The following DSCAM variants were observed in gnomAD, a reference collection of about 807,000 sequenced individuals.
The protein encoded by DSCAM is DS cell adhesion molecule, also known as cell adhesion molecule DSCAM.
DSCAM carries 47 observed loss-of-function variants against 217.7 expected under a neutral mutation model. The observed-to-expected ratio is 0.22, with a 90% confidence interval of 0.17 to 0.28. The LOEUF is 0.28. DSCAM is among the 10% of genes least tolerant of loss of function. The probability of loss-of-function intolerance (pLI) is 1.00; values close to 1 mark genes in which losing one functional copy is unlikely to be tolerated. For missense variants in DSCAM, 2,080 were observed against 2,618.3 expected (o/e 0.79, Z 4.49); for synonymous variants, 1,056 against 1,015.3 (o/e 1.04, Z -0.76).
Position 40,353,557 on chromosome 21 carries a change from T to C in DSCAM, c.842A>G (p.Glu281Gly), listed in dbSNP as rs1038966802. The change falls in exon 5 of 33, where the codon GAG (glutamate) becomes GGG (glycine). Residue 281 changes from glutamate (E) to glycine (G), a missense_variant. Physicochemically the swap from Glu to Gly is moderately conservative, Grantham distance 98. This residue lies in a region of DSCAM where 568 missense variants were observed against 678.1 expected (regional missense o/e 0.84). Coordinates refer to ENST00000400454, the MANE Select transcript of DSCAM (RefSeq NM_001389.5). ...GCCTGAGTCCGAGGGGCGAATGTTC[T>C]CAATGAGCAGCCCCGTCACGGTCTT... The part of the protein sequence containing the change: ...FQKTVTGLLI[E>G]NIRPSDSGSY... The C allele has an allele frequency of 1.1e-5, 17 of 1,611,318 alleles. No homozygotes were observed. The Admixed American group carries it at 1.7e-4, about 16-fold the overall frequency.
intron 11 of DSCAM, among the ~76,000 whole-genome samples, chr21:40,235,639 C>T (rs928216902): frequency 6.6e-6 from 1 of 152,136 alleles, no homozygotes; most frequent in African/African-American, 2.4e-5. Context: ...TGTATCTTCT[C>T]CACCCCTTAG....
At chr21:40,810,373 G>A (rs1020706257) in intron 1 of DSCAM, among the ~76,000 whole-genome samples, 1 of 152,200 alleles carries the variant, frequency 6.6e-6, no homozygotes, top group African/African-American at 2.4e-5. Context: ...AAGGGGGAGA[G>A]AAGTCATGTA....
At chr21:40,344,586 A>G (rs767448225) in intron 6 of DSCAM, among the ~76,000 whole-genome samples, 12 of 152,202 alleles carry the variant, frequency 7.9e-5, no homozygotes, top group Non-Finnish European at 1.5e-4. Flanking sequence ...AACATTTTAA[A>G]GATGTTGCTC....
rs527263245 is a variant in DSCAM at position 40,373,248 on chromosome 21, G to T, written c.509-4003C>A. On this transcript the variant is annotated intron_variant, in intron 3 of 32. Coordinates refer to ENST00000400454, the MANE Select transcript of DSCAM (RefSeq NM_001389.5). ...GATCTGAGCCGCAGAAAGCAGGCAT[G>T]CATGATCTCCAGAAAGAGGCACATC... Among the ~76,000 whole-genome samples the T allele has an allele frequency of 3.3e-5, 5 of 152,316 alleles. No homozygotes were observed. In the East Asian group the frequency reaches 9.6e-4, roughly 29 times the overall value.
intron 1 of DSCAM, among the ~76,000 whole-genome samples, chr21:40,825,063 A>G (rs2123613013): frequency 6.6e-6 from 1 of 152,302 alleles, no homozygotes; most frequent in African/African-American, 2.4e-5. Context: ...ATGACCCAGA[A>G]AAGAGGAAGT....
At chr21:40,415,955 G>T (rs1314341427) in intron 3 of DSCAM, among the ~76,000 whole-genome samples, 1 of 152,134 alleles carries the variant, frequency 6.6e-6, no homozygotes. Context: ...CAGAAAAAAA[G>T]GTTGGGAACT....
At chr21:40,622,128 T>C (rs2089528060) in intron 3 of DSCAM, among the ~76,000 whole-genome samples, 1 of 152,162 alleles carries the variant, frequency 6.6e-6, no homozygotes, top group African/African-American at 2.4e-5. Context: ...CATGTTTCCT[T>C]TTCACTTACC....
intron 16 of DSCAM, among the ~76,000 whole-genome samples, chr21:40,159,273 C>T (rs2090512576): frequency 6.6e-6 from 1 of 152,138 alleles, no homozygotes; most frequent in South Asian, 2.1e-4. Flanking sequence ...AACATCTGTG[C>T]CCTGTTTACT....
At chr21:40,817,274 C>T (rs1186624724) in intron 1 of DSCAM, among the ~76,000 whole-genome samples, 1 of 152,068 alleles carries the variant, frequency 6.6e-6, no homozygotes, top group Non-Finnish European at 1.5e-5. Flanking sequence ...CACATAAATG[C>T]CAGGAGGGAA....
chr21:40,354,880 C>T, intron 4 of DSCAM, among the ~76,000 whole-genome samples: 1 of 140,738 alleles, frequency 7.1e-6, no homozygotes, highest in African/African-American at 2.7e-5. Context: ...AAAAGAGCAA[C>T]ATAAGCAGAA....
chr21:40,052,870 T>TAA (rs2088954984), intron 29 of DSCAM, among the ~76,000 whole-genome samples: 1 of 152,212 alleles, frequency 6.6e-6, no homozygotes, highest in South Asian at 2.1e-4. Context: ...CAGGAGCTGC[T>TAA]GTTTGAGCTG....
rs1269321575 is a variant in DSCAM at position 40,531,648 on chromosome 21, G to A, written c.508+161162C>T. On this transcript the variant is annotated intron_variant, in intron 3 of 32. Coordinates refer to ENST00000400454, the MANE Select transcript of DSCAM (RefSeq NM_001389.5). ...TCAGCTCAGCCTTAAGGAAGGAGGAGAGATGGGCAAAAAGGTTTGGTCCCC... is the reference window on the plus strand; with the variant it reads ...TCAGCTCAGCCTTAAGGAAGGAGGAAAGATGGGCAAAAAGGTTTGGTCCCC... Among the ~76,000 whole-genome samples, 6 of 152,362 alleles carry A rather than the reference G, an allele frequency of 3.9e-5. No individual in the cohort carries two copies. The South Asian group carries it at 1.2e-3, about 32-fold the overall frequency.
chr21:40,669,199 T>A (rs2090240295), intron 3 of DSCAM, among the ~76,000 whole-genome samples: 1 of 152,084 alleles, frequency 6.6e-6, no homozygotes, highest in South Asian at 2.1e-4. Context: ...AGTGGAGAGA[T>A]TTTCAGTGTC....
chr21:40,429,425 C>A (rs1451619424), intron 3 of DSCAM, among the ~76,000 whole-genome samples: 1 of 152,038 alleles, frequency 6.6e-6, no homozygotes, highest in Non-Finnish European at 1.5e-5. Context: ...CACCACCACG[C>A]CTGGCTAATT....
At chr21:40,521,565 A>C (rs576676120) in intron 3 of DSCAM, among the ~76,000 whole-genome samples, 4 of 151,460 alleles carry the variant, frequency 2.6e-5, no homozygotes, top group Non-Finnish European at 5.9e-5. Flanking sequence ...CTTCTTTTTA[A>C]TTTTTTTTGC....
rs2074238291 is a variant in DSCAM at position 40,319,638 on chromosome 21, A to G, written c.1784-7279T>C. ...ATTACTGGATTATATAAATTTTTTT[A>G]GGAAACTTCCTATTGTTTCCTATCA... On this transcript the variant is annotated intron_variant, in intron 8 of 32. Coordinates refer to ENST00000400454, the MANE Select transcript of DSCAM (RefSeq NM_001389.5). 3.9e-5 allele frequency among the ~76,000 whole-genome samples: 6 copies of G among 152,260 alleles called. 1 individual carries two copies. The South Asian group carries it at 1.2e-3, about 32-fold the overall frequency.
chr21:40,344,740 A>T (rs2074539677), intron 6 of DSCAM, among the ~76,000 whole-genome samples: 1 of 152,154 alleles, frequency 6.6e-6, no homozygotes, highest in African/African-American at 2.4e-5. Context: ...TGATGTACTG[A>T]CATAGAATTT....
chr21:40,797,360 G>A (rs564132604), intron 1 of DSCAM, among the ~76,000 whole-genome samples: 4 of 152,214 alleles, frequency 2.6e-5, no homozygotes, highest in South Asian at 2.1e-4. Context: ...ACACTGTTGC[G>A]AAACCCAGTA....
intron 8 of DSCAM, among the ~76,000 whole-genome samples, chr21:40,329,657 T>TA (rs2074355368): frequency 2.2e-5 from 3 of 137,648 alleles, no homozygotes; most frequent in Non-Finnish European, 3.2e-5. Flanking sequence ...AATAAATAAA[T>TA]AATAAAAATA....
Sources: gnomAD v4.1 joint callset for allele counts (sites outside exome capture counted in the v4.1 genomes callset) on GRCh38, gnomAD v4.1.1 for gene constraint, gnomAD v4.1.1 regional missense constraint, MANE v1.5 for transcripts, NCBI Gene and HGNC (gene_info 2026-07-23, HGNC 2026-07-21) for gene names.